Variants in OSBPL3 observed in about 807,000 individuals in gnomAD.
OSBPL3 encodes oxysterol-binding protein-related protein 3.
In OSBPL3, 65 loss-of-function variants were observed where a neutral mutation model predicts 120.1. That is an observed-to-expected ratio of 0.54 (90% confidence interval 0.44 to 0.67). The LOEUF (loss-of-function observed/expected upper bound fraction) is 0.67. Among genes scored for constraint, OSBPL3 ranks in the 30% least tolerant of loss-of-function variants. OSBPL3 has a pLI of 0.00. For synonymous variants in OSBPL3, 416 were observed against 402.6 expected (o/e 1.03, Z -0.40); for missense variants, 1,004 against 1,082.1 (o/e 0.93, Z 1.01).
chr7:24,804,349 C>G lies in OSBPL3; in HGVS notation c.2533G>C (p.Glu845Gln). 6.2e-7 allele frequency: 1 copy of G among 1,614,172 alleles called. No individual in the cohort carries two copies. Among genetic ancestry groups the G allele is most frequent in the Non-Finnish European group, 8.5e-7 (1 of 1,180,026 alleles). The change falls in exon 22 of 23, where the codon GAA becomes CAA. Residue 845 changes from glutamate (E) to glutamine (Q), a missense_variant. This residue lies in a region of OSBPL3 where 473 missense variants were observed against 568.0 expected (regional missense o/e 0.83). Transcript: ENST00000313367. The surrounding 1 kb of genome is among the most constrained non-coding windows in gnomAD (Gnocchi z 5.4). ...CGAGGCTGGTGCTCCACATGATTTTCTTCTAAGACCCGCCGCCTTTCTCTC... is the reference window on the plus strand; with the variant it reads ...CGAGGCTGGTGCTCCACATGATTTTGTTCTAAGACCCGCCGCCTTTCTCTC... ...LQRERRRVLE[E>Q]NHVEHQPRFF...
At chr7:24,977,684 G>A (rs549397255) in intron 1 of OSBPL3, among the ~76,000 whole-genome samples, 1 of 152,086 alleles carries the variant, frequency 6.6e-6, no homozygotes, top group African/African-American at 2.4e-5. Context: ...GTGAAACCCC[G>A]TCTCTACTAA....
At chr7:24,860,444 G>A (rs1173675899) in intron 10 of OSBPL3, among the ~76,000 whole-genome samples, 1 of 152,174 alleles carries the variant, frequency 6.6e-6, no homozygotes, top group Non-Finnish European at 1.5e-5. Flanking sequence ...TCTTGTGGTA[G>A]TAAATAAGTC....
At chr7:24,956,840 T>C (rs1464091647) in intron 1 of OSBPL3, among the ~76,000 whole-genome samples, 1 of 152,234 alleles carries the variant, frequency 6.6e-6, no homozygotes, top group Non-Finnish European at 1.5e-5. Flanking sequence ...TATTAATTTC[T>C]TCTCATGGAG....
At chr7:24,981,106 G>A (rs1365569115), upstream of OSBPL3, among the ~76,000 whole-genome samples, 1 of 152,134 alleles carries the variant, frequency 6.6e-6, no homozygotes. The surrounding 1 kb of genome is among the most constrained non-coding windows in gnomAD (Gnocchi z 7.3). Flanking sequence ...GTACTCACGG[G>A]GCTTGCATTT....
rs371226249 is a variant in OSBPL3, at chr7:24,970,232, G to A, written c.-150+9654C>T. Among the ~76,000 whole-genome samples the A allele has an allele frequency of 1.9e-4, 28 of 150,584 alleles. 1 individual carries two copies. The South Asian group carries it at 5.1e-3, about 27-fold the overall frequency. On this transcript the variant is annotated intron_variant, in intron 1 of 22. Coordinates refer to ENST00000313367, the MANE Select transcript of OSBPL3 (RefSeq NM_015550.4). ...AAGCGATTCTTCTGCCTCAGCCTCC[G>A]AGTAGCTGAGATTACAGGTGCCCAC... is the stretch of plus-strand genomic sequence containing the variant.
intron 1 of OSBPL3, among the ~76,000 whole-genome samples, chr7:24,950,251 C>T (rs918941379): frequency 2.6e-5 from 4 of 152,180 alleles, no homozygotes; most frequent in Non-Finnish European, 4.4e-5. Flanking sequence ...AAAATACACA[C>T]AAACACACAC....
At position 24,932,730 on chromosome 7, in the gene OSBPL3, G is replaced by C. The variant is rs1327976445; in HGVS notation, c.-149-40109C>G. 6.6e-6 allele frequency among the ~76,000 whole-genome samples: 1 copy of C among 152,198 alleles called. No individual in the cohort carries two copies. The highest frequency in any genetic ancestry group is 1.5e-5 in the Non-Finnish European group (1 of 68,034). On this transcript the variant is annotated intron_variant, in intron 1 of 22. Transcript: ENST00000313367. This position sits in a 1 kb window ranked among gnomAD's most constrained non-coding sequence, Gnocchi z 5.6. ...CCAGAACTACGAGAAGTAAATTTCTGATGTTTATAAGCCACCCAGTTTATG... is the reference window on the plus strand; with the variant it reads ...CCAGAACTACGAGAAGTAAATTTCTCATGTTTATAAGCCACCCAGTTTATG...
In OSBPL3 at chr7:24,797,731, A is replaced by C. The variant is rs1439235744; in HGVS notation, c.*2452T>G. The C allele has an allele frequency of 6.6e-6, 1 of 152,018 alleles. No homozygotes were observed. Among genetic ancestry groups the C allele is most frequent in the Non-Finnish European group, 1.5e-5 (1 of 68,018 alleles). 9.4% of individuals were successfully genotyped at this position (152,018 alleles called of 1,614,324 possible). On this transcript the variant is annotated 3_prime_UTR_variant, in exon 23 of 23. Transcript: ENST00000313367. This position sits in a 1 kb window ranked among gnomAD's most constrained non-coding sequence, Gnocchi z 4.8. ...TTCACCAGAAATTTTGGATGGAATA[A>C]TTAGAAAAAAAAAAGAGGTTAAAAC... is the stretch of plus-strand genomic sequence containing the variant.
chr7:24,953,184 C>T lies in OSBPL3; in HGVS notation c.-150+26702G>A, dbSNP rs888204322. On this transcript the variant is annotated intron_variant, in intron 1 of 22. Transcript: ENST00000313367. The surrounding 1 kb of genome is among the most constrained non-coding windows in gnomAD (Gnocchi z 4.3). The stretch of plus-strand genomic sequence containing the variant: ...TCTGGGCTTTTGCTAATAATACTAT[C>T]TTAAAAGATTAAAGCCTTCACTTAA... Among the ~76,000 whole-genome samples, 9 of 152,148 alleles carry T rather than the reference C, an allele frequency of 5.9e-5. No individual in the cohort carries two copies. The highest frequency in any genetic ancestry group is 1.0e-4 in the Non-Finnish European group (7 of 68,024).
intron 2 of OSBPL3, among the ~76,000 whole-genome samples, chr7:24,890,833 T>C (rs1459594137): frequency 6.6e-6 from 1 of 152,208 alleles, no homozygotes; most frequent in Non-Finnish European, 1.5e-5. Context: ...CCTCTTACCC[T>C]TCATGATGTA....
intron 1 of OSBPL3, among the ~76,000 whole-genome samples, chr7:24,977,841 G>A (rs905379675): frequency 2.0e-5 from 3 of 152,214 alleles, no homozygotes; most frequent in African/African-American, 4.8e-5. Flanking sequence ...GGGCGACAGC[G>A]TGAGACTACG....
chr7:24,804,829 TA>T lies in OSBPL3; in HGVS notation c.2445-393del. On this transcript the variant is annotated intron_variant, in intron 21 of 22. Transcript: ENST00000313367. This position sits in a 1 kb window ranked among gnomAD's most constrained non-coding sequence, Gnocchi z 5.4. ...TATCCCTCCCTCCGTTTAAAAAATA[TA>T]AATGGTAGCATGCTATGTATCCCTT... 6.6e-6 allele frequency among the ~76,000 whole-genome samples: 1 copy of T among 152,332 alleles called. No homozygotes were observed. Among genetic ancestry groups the T allele is most frequent in the South Asian group, 2.1e-4 (1 of 4,830 alleles).
chr7:24,977,805 G>A (rs896480406), intron 1 of OSBPL3, among the ~76,000 whole-genome samples: 4 of 152,190 alleles, frequency 2.6e-5, no homozygotes, highest in African/African-American at 9.7e-5. Flanking sequence ...GCAGTGAGCC[G>A]AGATCGCGCC....
At chr7:24,942,215 T>C (rs1813184359) in intron 1 of OSBPL3, among the ~76,000 whole-genome samples, 1 of 152,054 alleles carries the variant, frequency 6.6e-6, no homozygotes, top group Admixed American at 6.6e-5. Flanking sequence ...TTGAAAAGAA[T>C]GAATTTCATA....
intron 14 of OSBPL3, among the ~76,000 whole-genome samples, chr7:24,837,595 G>A (rs534336299): frequency 2.0e-5 from 3 of 152,196 alleles, no homozygotes; most frequent in African/African-American, 7.2e-5. Context: ...CTACTCCACC[G>A]CCATCATCAC....
intron 19 of OSBPL3, among the ~76,000 whole-genome samples, chr7:24,810,590 A>G (rs576928115): frequency 5.3e-5 from 8 of 152,294 alleles, no homozygotes; most frequent in Admixed American, 2.6e-4. Flanking sequence ...AGTATACAAC[A>G]CAGTTATTAA....
intron 5 of OSBPL3, among the ~76,000 whole-genome samples, chr7:24,869,842 A>T (rs554299413): frequency 1.1e-4 from 17 of 152,350 alleles, no homozygotes; most frequent in Middle Eastern, 3.4e-3. Flanking sequence ...CATTAAGACA[A>T]GGAGCTCATG....
Position 24,831,009 on chromosome 7 carries a change from G to A in OSBPL3, c.1747-104C>T. 8.5e-7 allele frequency: 1 copy of A among 1,172,826 alleles called. No homozygotes were observed. Among genetic ancestry groups the A allele is most frequent in the Non-Finnish European group, 1.1e-6 (1 of 869,822 alleles). 72.7% of individuals were successfully genotyped at this position (1,172,826 alleles called of 1,614,324 possible). On this transcript the variant is annotated intron_variant, in intron 15 of 22. Transcript: ENST00000313367. This position sits in a 1 kb window ranked among gnomAD's most constrained non-coding sequence, Gnocchi z 4.0. ...AACCTCTATGATTTTCTTTCAGAAA[G>A]CCAAAGATTTGTCTTTGGTTGTTTT...
intron 1 of OSBPL3, among the ~76,000 whole-genome samples, chr7:24,929,121 G>C (rs1811467624): frequency 6.6e-6 from 1 of 152,168 alleles, no homozygotes. Flanking sequence ...GACAGCTCTA[G>C]TTGCTCCACA....
Sources: gnomAD v4.1 joint callset for allele counts (sites outside exome capture counted in the v4.1 genomes callset) on GRCh38, gnomAD v4.1.1 for gene constraint, gnomAD v4.1.1 regional missense constraint, Gnocchi (gnomAD v3.1) non-coding constraint, MANE v1.5 for transcripts, NCBI Gene and HGNC (gene_info 2026-07-23, HGNC 2026-07-21) for gene names.